LRRK1: variants seen among roughly 807,000 people sequenced by gnomAD.
LRRK1 encodes leucine rich repeat kinase 1, also known as leucine-rich repeat serine/threonine-protein kinase 1.
In LRRK1, 113 loss-of-function variants were observed where a neutral mutation model predicts 209.1. The observed-to-expected ratio is 0.54, with a 90% CI of 0.46 to 0.63. The LOEUF is 0.63. Among genes scored for constraint, LRRK1 ranks in the 30% least tolerant of loss-of-function variants. LRRK1 has a pLI of 0.00. For synonymous variants in LRRK1, 1,144 were observed against 1,099.7 expected, an observed-to-expected ratio of 1.04 and a Z score of -0.80; for missense variants, 2,284 against 2,632.2, an observed-to-expected ratio of 0.87 and a Z score of 2.89.
rs1280319823 is a variant in LRRK1, at chr15:101,028,103, T to G, written c.2686+306T>G. On this transcript the variant is annotated intron_variant, in intron 19 of 33. Coordinates refer to ENST00000388948, the MANE Select transcript of LRRK1 (RefSeq NM_024652.6). ...CAGAGGTCAAACAGTTACAATCGAT[T>G]CTCATTAGCCACAGGACTTAACGTT... 2.6e-5 allele frequency among the ~76,000 whole-genome samples: 3 copies of G among 116,060 alleles called. 1 individual carries two copies. In the Admixed American group the frequency reaches 2.7e-4, roughly 11 times the overall value. 76.1% of individuals were successfully genotyped at this position (116,060 alleles called of 152,430 possible).
chr15:101,008,695 G>A (rs2141691282), intron 6 of LRRK1, 142 bp from the exon 7 acceptor site: 1 of 660,152 alleles, frequency 1.5e-6, no homozygotes, highest in African/African-American at 1.8e-5. Flanking sequence ...CGGCGGCCGA[G>A]AAGGACATGT....
At chr15:101,054,556 C>T (rs1327488045) in intron 26 of LRRK1, among the ~76,000 whole-genome samples, 3 of 152,178 alleles carry the variant, frequency 2.0e-5, no homozygotes, top group African/African-American at 7.2e-5. Flanking sequence ...TGTGTAATCC[C>T]AACACTTTGG....
chr15:100,941,222 C>CCG (rs2042395799), intron 2 of LRRK1, among the ~76,000 whole-genome samples: 2 of 131,224 alleles, frequency 1.5e-5, no homozygotes, highest in Non-Finnish European at 3.3e-5. Context: ...CTGTATGTGT[C>CCG]TGTGTGTGTG....
chr15:101,007,770 G>A (rs1469018239), intron 6 of LRRK1, among the ~76,000 whole-genome samples: 1 of 152,162 alleles, frequency 6.6e-6, no homozygotes, highest in Non-Finnish European at 1.5e-5. Context: ...AATGGAAAGT[G>A]AGGACAAAAA....
Position 101,058,287 on chromosome 15 carries a change from GAGC to G in LRRK1, c.4679+149_4679+151del, listed in dbSNP as rs146428565. On this transcript the variant is annotated intron_variant, in intron 29 of 33. Coordinates refer to ENST00000388948, the MANE Select transcript of LRRK1 (RefSeq NM_024652.6). Reference sequence around the variant, plus strand: ...ACCTGGTTAGACTGCACTCAAGAAAGAGCAGGGAGAGCAGAAGAAAGTCCACAC... The same window carrying G: ...ACCTGGTTAGACTGCACTCAAGAAAGAGGGAGAGCAGAAGAAAGTCCACAC... The G allele has an allele frequency of 0.015, 11,549 of 756,920 alleles. 947 individuals are homozygous for G. In the African/African-American group the frequency reaches 0.18, roughly 12 times the overall value. 46.9% of individuals were successfully genotyped at this position (756,920 alleles called of 1,614,324 possible).
chr15:101,054,256 G>A (rs769204896), intron 26 of LRRK1, among the ~76,000 whole-genome samples: 1 of 152,206 alleles, frequency 6.6e-6, no homozygotes, highest in African/African-American at 2.4e-5. Context: ...TCACCGGCAT[G>A]AGCCACACGC....
chr15:101,006,613 T>A (rs1041097139), intron 6 of LRRK1, among the ~76,000 whole-genome samples: 4 of 142,254 alleles, frequency 2.8e-5, no homozygotes, highest in African/African-American at 1.1e-4. Flanking sequence ...CTGAAAATGA[T>A]AATTATACGG....
chr15:101,057,755 G>A (rs951781762), intron 28 of LRRK1, among the ~76,000 whole-genome samples: 1 of 152,212 alleles, frequency 6.6e-6, no homozygotes, highest in Non-Finnish European at 1.5e-5. Flanking sequence ...GGAATACCCA[G>A]GGTTCAGCTA....
intron 6 of LRRK1, chr15:100,989,750 C>T: frequency 2.9e-6 from 1 of 346,238 alleles, no homozygotes; most frequent in Non-Finnish European, 5.2e-6. Flanking sequence ...ACAGCAATTA[C>T]ATTTCATCAT....
At chr15:101,046,442 C>G (rs1201335484) in intron 21 of LRRK1, among the ~76,000 whole-genome samples, 3 of 152,210 alleles carry the variant, frequency 2.0e-5, no homozygotes, top group African/African-American at 7.2e-5. Flanking sequence ...TGTTAGAACA[C>G]AGTTTGGTGG....
chr15:100,970,238 A>G (rs1443798020), intron 2 of LRRK1, among the ~76,000 whole-genome samples: 1 of 152,126 alleles, frequency 6.6e-6, no homozygotes, highest in East Asian at 1.9e-4. Context: ...ACTGATGGGC[A>G]TTTGGGTTGA....
intron 2 of LRRK1, among the ~76,000 whole-genome samples, chr15:100,963,338 G>A (rs1177687830): frequency 6.6e-6 from 1 of 152,176 alleles, no homozygotes; most frequent in African/African-American, 2.4e-5. Context: ...GAGTAGCAGC[G>A]ACTCTGTGGG....
intron 23 of LRRK1, among the ~76,000 whole-genome samples, 198 bp from the exon 24 acceptor site, chr15:101,051,513 T>A (rs2035434918): frequency 6.6e-6 from 1 of 152,166 alleles, no homozygotes; most frequent in Admixed American, 6.5e-5. Context: ...CCTGGACACA[T>A]CTTTCAGGAC....
intron 2 of LRRK1, among the ~76,000 whole-genome samples, chr15:100,956,309 A>G (rs1202119261): frequency 6.6e-6 from 1 of 151,400 alleles, no homozygotes; most frequent in Non-Finnish European, 1.5e-5. Flanking sequence ...AATACTTTGT[A>G]CTTCTATTAT....
At chr15:101,012,522 G>A (rs913985533) in intron 10 of LRRK1, among the ~76,000 whole-genome samples, 4 of 152,184 alleles carry the variant, frequency 2.6e-5, no homozygotes, top group African/African-American at 4.8e-5. Context: ...GGTGGTTGGC[G>A]GGTCCTTAGG....
chr15:101,074,222 T>C lies in LRRK1; in HGVS notation c.*5374T>C, dbSNP rs2036901814. ...TCTCCCCTCCTCCCCAGGCTGCTCC[T>C]TGCCAGGCCGAGCTAGGTCCCAATT... On this transcript the variant is annotated 3_prime_UTR_variant, in exon 34 of 34. Transcript: ENST00000388948. 1 of 151,954 alleles carries C rather than the reference T, an allele frequency of 6.6e-6. No individual in the cohort carries two copies. 9.4% of individuals were successfully genotyped at this position (151,954 alleles called of 1,614,324 possible).
rs775945868 is a variant in LRRK1 at position 101,055,231 on chromosome 15, C to T, written c.4332+8C>T. 5.8e-5 allele frequency: 89 copies of T among 1,532,578 alleles called. No individual in the cohort carries two copies. Among genetic ancestry groups the T allele is most frequent in the Non-Finnish European group, 7.8e-5 (89 of 1,141,164 alleles). 94.9% of individuals were successfully genotyped at this position (1,532,578 alleles called of 1,614,324 possible). A position where few individuals can be genotyped will look rare whatever the true frequency, so the allele number is the denominator to read the frequency against. On this transcript the variant is annotated splice_region_variant and intron_variant, in intron 27 of 33. Coordinates refer to ENST00000388948, the MANE Select transcript of LRRK1 (RefSeq NM_024652.6). ...ATTGTATATGATGAGAAGGTACGTG[C>T]CTGGATCCCCTGGCCCAGCCCCACA...
intron 2 of LRRK1, among the ~76,000 whole-genome samples, chr15:100,942,957 C>T (rs561303085): frequency 5.9e-5 from 9 of 152,280 alleles, no homozygotes; most frequent in African/African-American, 1.7e-4. Context: ...CTGATCAACC[C>T]GTAGTGCTGG....
At chr15:100,989,523 G>A in intron 6 of LRRK1, 125 bp downstream of exon 6, 2 of 1,001,894 alleles carry the variant, frequency 2.0e-6, no homozygotes, top group Non-Finnish European at 3.0e-6. Flanking sequence ...AGATTGAGAA[G>A]TCCAAGAGCA....
Sources: allele counts gnomAD v4.1 joint callset (sites outside exome capture counted in the v4.1 genomes callset), GRCh38; gene constraint gnomAD v4.1.1; transcripts MANE v1.5; gene names NCBI Gene and HGNC (gene_info 2026-07-23, HGNC 2026-07-21).